The following STK3 variants were observed in gnomAD, a reference collection of about 807,000 sequenced individuals.
STK3 encodes the protein serine/threonine-protein kinase 3.
Under a neutral mutation model 58.0 loss-of-function variants are expected in STK3, and 41 were observed. That is an observed-to-expected ratio of 0.71 (90% CI 0.55 to 0.92). The LOEUF (loss-of-function observed/expected upper bound fraction) is 0.92, where lower values mean the gene tolerates loss of function less well. STK3 is among the 40% of genes least tolerant of loss of function. The probability of loss-of-function intolerance (pLI) is 0.00; values close to 1 mark genes in which losing one functional copy is unlikely to be tolerated. For missense variants in STK3, 479 were observed against 602.7 expected, an observed-to-expected ratio of 0.79 and a Z score of 2.15; for synonymous variants, 170 against 191.0, an observed-to-expected ratio of 0.89 and a Z score of 0.91.
rs114016735 is a variant in STK3 at position 98,718,820 on chromosome 8, G to C, written c.352-11509C>G. Among the ~76,000 whole-genome samples, 832 of 151,978 alleles carry C rather than the reference G, an allele frequency of 5.5e-3. 9 individuals are homozygous for C. Among genetic ancestry groups the C allele is most frequent in the African/African-American group, 0.019 (803 of 41,436 alleles). ...TTAATATGTGTGATACATTATGAAA[G>C]TTAATTTCACTTTTTTTAATGTGGC... On this transcript the variant is annotated intron_variant, in intron 4 of 10. Transcript: ENST00000419617.
intron 6 of STK3, among the ~76,000 whole-genome samples, chr8:98,655,802 G>A (rs1256992184): frequency 6.6e-6 from 1 of 152,138 alleles, no homozygotes; most frequent in African/African-American, 2.4e-5. Flanking sequence ...TCTCACACCA[G>A]TTAGAATGGC....
intron 6 of STK3, among the ~76,000 whole-genome samples, chr8:98,664,525 G>A (rs775285200): frequency 3.5e-4 from 53 of 152,258 alleles, no homozygotes; most frequent in Admixed American, 2.0e-3. Flanking sequence ...AATATTCTAC[G>A]TTTTAAGCAG....
chr8:98,717,653 C>A (rs542570456), intron 4 of STK3, among the ~76,000 whole-genome samples: 4,795 of 152,210 alleles, frequency 0.032, 109 homozygotes, highest in Non-Finnish European at 0.047. Context: ...TTTGACCCAG[C>A]AATTCCACTT....
chr8:98,494,192 C>T (rs1822935562), intron 10 of STK3, among the ~76,000 whole-genome samples: 1 of 152,182 alleles, frequency 6.6e-6, no homozygotes. Context: ...CTCATTTCTA[C>T]CACTTTCCAA....
chr8:98,713,876 C>G (rs958415526), intron 4 of STK3, among the ~76,000 whole-genome samples: 1 of 152,080 alleles, frequency 6.6e-6, no homozygotes. Flanking sequence ...ATGCAAAAAT[C>G]CTCAATAAAA....
chr8:98,402,834 C>T (rs1431726041), intron 3 of STK3, among the ~76,000 whole-genome samples: 1 of 152,110 alleles, frequency 6.6e-6, no homozygotes, highest in Non-Finnish European at 1.5e-5. Flanking sequence ...TACTGATGAG[C>T]ACATGTTCCA....
In STK3 at chr8:98,858,319, T is replaced by TAGAG. The variant is rs1244395276; in HGVS notation, c.110+25327_110+25328insCTCT. 7.8e-3 allele frequency among the ~76,000 whole-genome samples: 311 copies of TAGAG among 39,884 alleles called. 1 individual carries two copies. Among genetic ancestry groups the TAGAG allele is most frequent in the African/African-American group, 0.011 (117 of 10,490 alleles). The allele number at this position is 39,884 out of a possible 152,430, so 26.2% of individuals were successfully genotyped here. On this transcript the variant is annotated intron_variant, in intron 3 of 12. Coordinates refer to the STK3 transcript ENST00000523601. ...ATATATATATATATATATATATATA[T>TAGAG]ATATAGAGAGAGAGAGAGAGAGAGA...
At chr8:98,596,438 G>A (rs1165914087) in intron 6 of STK3, 3 of 272,936 alleles carry the variant, frequency 1.1e-5, no homozygotes, top group Non-Finnish European at 2.1e-5. Context: ...AGTCTCTAAA[G>A]AAGACTATAT....
At chr8:98,786,532 A>G (rs2131555211) in intron 1 of STK3, among the ~76,000 whole-genome samples, 1 of 152,330 alleles carries the variant, frequency 6.6e-6, no homozygotes, top group East Asian at 1.9e-4. Context: ...GAACAAAAGG[A>G]AAAAAGAAGA....
At chr8:98,448,429 A>C (rs1819051142) in intron 1 of STK3, among the ~76,000 whole-genome samples, 1 of 152,132 alleles carries the variant, frequency 6.6e-6, no homozygotes, top group Admixed American at 6.6e-5. Flanking sequence ...TTTCATTCAA[A>C]TGTTTTGCCA....
intron 8 of STK3, among the ~76,000 whole-genome samples, chr8:98,568,059 T>A (rs1812635196): frequency 1.4e-5 from 2 of 139,576 alleles, no homozygotes; most frequent in South Asian, 4.9e-4. Context: ...CTGTCTTAGA[T>A]AGATGATAGA....
At chr8:98,515,055 T>C (rs1824823321) in intron 10 of STK3, among the ~76,000 whole-genome samples, 1 of 152,142 alleles carries the variant, frequency 6.6e-6, no homozygotes, top group Non-Finnish European at 1.5e-5. Flanking sequence ...CTAATCTAGA[T>C]GATTTCTTGA....
At chr8:98,654,976 A>C (rs1385561084) in intron 6 of STK3, among the ~76,000 whole-genome samples, 4 of 152,172 alleles carry the variant, frequency 2.6e-5, no homozygotes, top group African/African-American at 9.7e-5. Context: ...CAGAATTGGA[A>C]AAAAGTACTT....
intron 6 of STK3, among the ~76,000 whole-genome samples, chr8:98,639,835 G>C (rs1205808268): frequency 1.3e-5 from 2 of 152,056 alleles, no homozygotes; most frequent in Admixed American, 1.3e-4. Flanking sequence ...TCCTGGCCAG[G>C]CGCGGTGGCT....
chr8:98,692,185 T>A (rs1402414470), intron 6 of STK3, among the ~76,000 whole-genome samples: 3 of 152,106 alleles, frequency 2.0e-5, no homozygotes, highest in Non-Finnish European at 4.4e-5. Flanking sequence ...GGTAGGAATG[T>A]AAAATGGTAC....
intron 4 of STK3, among the ~76,000 whole-genome samples, chr8:98,707,549 C>T (rs1418012259): frequency 6.6e-6 from 1 of 152,030 alleles, no homozygotes; most frequent in Non-Finnish European, 1.5e-5. Context: ...ACTACAGGCA[C>T]ATGCCAACCC....
downstream of STK3, chr8:98,883,588 A>G (rs867114753): frequency 1.7e-4 from 120 of 686,442 alleles, 1 homozygote; most frequent in Middle Eastern, 1.4e-3. Flanking sequence ...ATCTAAAGGA[A>G]CGCAACACCA....
intron 10 of STK3, among the ~76,000 whole-genome samples, chr8:98,523,942 G>A (rs979737789): frequency 1.3e-5 from 2 of 152,068 alleles, no homozygotes; most frequent in African/African-American, 2.4e-5. Context: ...CCAATGTCAC[G>A]AAGTTTTTCT....
intron 10 of STK3, among the ~76,000 whole-genome samples, chr8:98,501,672 G>T (rs142780903): frequency 0.022 from 3,334 of 152,100 alleles, 60 homozygotes; most frequent in Non-Finnish European, 0.031. Context: ...ATCCTTTCCC[G>T]ATTTCTTGTT....
Sources: allele counts gnomAD v4.1 joint callset (sites outside exome capture counted in the v4.1 genomes callset), GRCh38; gene constraint gnomAD v4.1.1; transcripts MANE v1.5; gene names NCBI Gene and HGNC (gene_info 2026-07-23, HGNC 2026-07-21).